Variants in CES5A observed in about 807,000 individuals in gnomAD.
CES5A encodes the protein carboxylesterase 5.
A neutral mutation model predicts 62.9 loss-of-function variants in CES5A; 67 were observed. That is an observed-to-expected ratio of 1.07 (90% CI 0.88 to 1.31). CES5A has a LOEUF of 1.31. CES5A is among the 50% of genes most tolerant of loss of function. The pLI is 0.00. For synonymous variants in CES5A, 296 were observed against 280.8 expected (o/e 1.05, Z -0.54); for missense variants, 748 against 708.5 (o/e 1.06, Z -0.63).
At chr16:55,941,006 C>T (rs1425536023) in intron 2 of CES5A, among the ~76,000 whole-genome samples, 3 of 151,720 alleles carry the variant, frequency 2.0e-5, no homozygotes, top group African/African-American at 7.2e-5. Flanking sequence ...CATCCTCAAT[C>T]TGACAAAGAA....
intron 1 of CES5A, among the ~76,000 whole-genome samples, chr16:55,924,483 A>G (rs1298878848): frequency 6.6e-6 from 1 of 152,080 alleles, no homozygotes; most frequent in Non-Finnish European, 1.5e-5. Context: ...TATTGTTAAA[A>G]TGACCATACT....
upstream of CES5A, among the ~76,000 whole-genome samples, chr16:55,877,242 G>C (rs1277283250): frequency 6.6e-6 from 1 of 152,128 alleles, no homozygotes. Flanking sequence ...GCAAATATGA[G>C]AGGCTATGGA....
intron 2 of CES5A, among the ~76,000 whole-genome samples, chr16:55,947,503 T>C (rs1455391180): frequency 6.6e-6 from 1 of 152,072 alleles, no homozygotes; most frequent in African/African-American, 2.4e-5. Flanking sequence ...ACAAAACACT[T>C]CTCATAAAGC....
intron 2 of CES5A, 125 bp from the exon 3 acceptor site, chr16:55,871,888 C>A (rs901286690): frequency 2.1e-6 from 2 of 948,664 alleles, no homozygotes; most frequent in East Asian, 5.3e-5. Flanking sequence ...AGGCAGCTAC[C>A]GGTACAAAGT....
intron 2 of CES5A, among the ~76,000 whole-genome samples, chr16:55,872,559 G>A (rs535050415): frequency 1.1e-4 from 17 of 152,316 alleles, no homozygotes; most frequent in African/African-American, 2.6e-4. Context: ...ATGATACACC[G>A]TAAGATTAAG....
At chr16:55,934,313 G>A (rs1210111693) in intron 2 of CES5A, among the ~76,000 whole-genome samples, 15 of 152,140 alleles carry the variant, frequency 9.9e-5, no homozygotes, top group Admixed American at 9.8e-4. Context: ...TGCATTCCAA[G>A]CATTCAGTAG....
chr16:55,889,631 G>GATAGAT (rs2033853550), intron 1 of CES5A, among the ~76,000 whole-genome samples: 6 of 151,776 alleles, frequency 4.0e-5, no homozygotes, highest in African/African-American at 1.5e-4. Flanking sequence ...CACATGTTCA[G>GATAGAT]CTATCCAGAA....
chr16:55,882,501 T>TG (rs2033772344), intron 1 of CES5A, among the ~76,000 whole-genome samples: 1 of 152,188 alleles, frequency 6.6e-6, no homozygotes, highest in Non-Finnish European at 1.5e-5. Flanking sequence ...GTCACAGGCC[T>TG]GCCAAATCAT....
At chr16:55,863,250 G>A in intron 6 of CES5A, 98 bp downstream of exon 6, 1 of 755,026 alleles carries the variant, frequency 1.3e-6, no homozygotes, top group Non-Finnish European at 2.4e-6. Flanking sequence ...CTTGGGCATG[G>A]TCACTAAGGA....
At chr16:55,902,101 C>A (rs1424971101) in intron 1 of CES5A, among the ~76,000 whole-genome samples, 1 of 152,080 alleles carries the variant, frequency 6.6e-6, no homozygotes, top group Non-Finnish European at 1.5e-5. Context: ...ATCCTTCTGC[C>A]GAAAGCCACC....
At chr16:55,926,447 T>C (rs2034258276), upstream of CES5A, among the ~76,000 whole-genome samples, 1 of 152,218 alleles carries the variant, frequency 6.6e-6, no homozygotes, top group African/African-American at 2.4e-5. Flanking sequence ...ATTTAGTCCA[T>C]CCCTAAAGAA....
intron 1 of CES5A, chr16:55,949,975 A>C: frequency 1.7e-6 from 1 of 600,276 alleles, no homozygotes; most frequent in Non-Finnish European, 2.5e-6. Context: ...TAATATAACC[A>C]ATACAGCATA....
At chr16:55,878,266 G>C (rs912832269), upstream of CES5A, among the ~76,000 whole-genome samples, 3 of 152,016 alleles carry the variant, frequency 2.0e-5, no homozygotes, top group African/African-American at 7.3e-5. Flanking sequence ...ATAAAGGGAG[G>C]CTAAAGGAAC....
At chr16:55,943,528 T>C (rs1373297744) in intron 2 of CES5A, among the ~76,000 whole-genome samples, 12 of 152,222 alleles carry the variant, frequency 7.9e-5, no homozygotes, top group Non-Finnish European at 1.3e-4. Context: ...ACCACATTAA[T>C]CTCTTTTGCA....
intron 1 of CES5A, among the ~76,000 whole-genome samples, chr16:55,883,586 T>C (rs1326070184): frequency 6.6e-6 from 1 of 152,232 alleles, no homozygotes; most frequent in Non-Finnish European, 1.5e-5. Context: ...CGTTGCATCT[T>C]TTAGGTCTTT....
chr16:55,878,619 A>T (rs1396446947), upstream of CES5A, among the ~76,000 whole-genome samples: 1 of 83,180 alleles, frequency 1.2e-5, no homozygotes, highest in Non-Finnish European at 2.3e-5. Context: ...CCATCACTGC[A>T]CCCCACCACT....
chr16:55,905,756 AG>A (rs1311810887), intron 1 of CES5A, among the ~76,000 whole-genome samples: 1 of 152,198 alleles, frequency 6.6e-6, no homozygotes, highest in Non-Finnish European at 1.5e-5. Context: ...AGCTCTGCAA[AG>A]CACACAGATA....
At chr16:55,879,693 C>T (rs948771959), upstream of CES5A, among the ~76,000 whole-genome samples, 4 of 152,144 alleles carry the variant, frequency 2.6e-5, no homozygotes, top group African/African-American at 7.2e-5. Flanking sequence ...TGGGCTCAAG[C>T]GATCCTCCCA....
chr16:55,858,404 C>T (rs115308505), intron 8 of CES5A, among the ~76,000 whole-genome samples: 391 of 152,282 alleles, frequency 2.6e-3, no homozygotes, highest in South Asian at 0.025. Flanking sequence ...CACTGGGGAA[C>T]TGGTTACAGT....
Sources: allele counts gnomAD v4.1 joint callset (sites outside exome capture counted in the v4.1 genomes callset), GRCh38; gene constraint gnomAD v4.1.1; transcripts MANE v1.5; gene names NCBI Gene and HGNC (gene_info 2026-07-23, HGNC 2026-07-21).